Variants in FHIT observed in about 807,000 individuals in gnomAD.
The protein encoded by FHIT is bis(5'-adenosyl)-triphosphatase.
FHIT carries 19 observed loss-of-function variants against 17.9 expected under a neutral mutation model. The observed-to-expected ratio is 1.06, with a 90% CI of 0.74 to 1.56. FHIT has a LOEUF of 1.56. Among genes scored for constraint, FHIT ranks in the 40% most tolerant of loss-of-function variants. The probability of loss-of-function intolerance (pLI) is 0.00; values close to 1 mark genes in which losing one functional copy is unlikely to be tolerated. For synonymous variants in FHIT, 81 were observed against 69.7 expected, an observed-to-expected ratio of 1.16 and a Z score of -0.81; for missense variants, 248 against 189.2, an observed-to-expected ratio of 1.31 and a Z score of -1.82.
chr3:60,295,172 C>T (rs1708152970), intron 5 of FHIT, among the ~76,000 whole-genome samples: 1 of 152,010 alleles, frequency 6.6e-6, no homozygotes, highest in Admixed American at 6.6e-5. Flanking sequence ...ATCTGTTGAG[C>T]CCAGGAGTTT....
chr3:60,126,511 C>T (rs1431863103), intron 5 of FHIT, among the ~76,000 whole-genome samples: 1 of 152,186 alleles, frequency 6.6e-6, no homozygotes, highest in African/African-American at 2.4e-5. Flanking sequence ...TTATTGGACA[C>T]ATATCCCATA....
intron 5 of FHIT, among the ~76,000 whole-genome samples, chr3:60,405,009 G>A (rs1400034742): frequency 6.6e-6 from 1 of 152,136 alleles, no homozygotes; most frequent in Non-Finnish European, 1.5e-5. Flanking sequence ...TAGAAAATTG[G>A]TTCTCAAACT....
At chr3:61,140,036 A>AT (rs1449139551) in intron 2 of FHIT, among the ~76,000 whole-genome samples, 192 of 151,852 alleles carry the variant, frequency 1.3e-3, no homozygotes, top group East Asian at 9.9e-3. Flanking sequence ...AAAAAAAAAA[A>AT]AATAAGAAAC....
intron 5 of FHIT, among the ~76,000 whole-genome samples, chr3:60,057,122 G>A (rs1702114063): frequency 6.6e-6 from 1 of 152,156 alleles, no homozygotes; most frequent in Non-Finnish European, 1.5e-5. Context: ...GATAAAGGGG[G>A]AAGTGGGATT....
chr3:60,491,415 G>T (rs1430630108), intron 5 of FHIT, among the ~76,000 whole-genome samples: 1 of 149,666 alleles, frequency 6.7e-6, no homozygotes, highest in African/African-American at 2.5e-5. Flanking sequence ...ATTGTAAACT[G>T]GGTGAAAAAA....
chr3:60,364,264 T>C (rs542224261), intron 5 of FHIT, among the ~76,000 whole-genome samples: 65 of 152,334 alleles, frequency 4.3e-4, no homozygotes, highest in African/African-American at 1.5e-3. Context: ...TGCTTTCAAG[T>C]GAAATGCTCT....
chr3:59,832,949 T>A (rs1369826583), intron 8 of FHIT, among the ~76,000 whole-genome samples: 1 of 152,174 alleles, frequency 6.6e-6, no homozygotes. Context: ...ATGCTACATG[T>A]TATGATTATG....
chr3:60,562,721 C>G (rs1260300033), intron 4 of FHIT, among the ~76,000 whole-genome samples: 1 of 152,118 alleles, frequency 6.6e-6, no homozygotes, highest in Non-Finnish European at 1.5e-5. Flanking sequence ...TGCACTTGAC[C>G]TGACCCCTAG....
Position 60,011,353 on chromosome 3 carries a change from C to T in FHIT, c.279+18G>A, listed in dbSNP as rs1366573093. The T allele has an allele frequency of 1.2e-6, 2 of 1,611,932 alleles. No individual in the cohort carries two copies. Among genetic ancestry groups the T allele is most frequent in the African/African-American group, 2.7e-5 (2 of 74,844 alleles). Reference sequence around the variant, plus strand: ...TAATCGCCTCTTATTAATTTGTATGCACATAATAAGCACTCACCTTCACAG... The same window carrying T: ...TAATCGCCTCTTATTAATTTGTATGTACATAATAAGCACTCACCTTCACAG... On this transcript the variant is annotated intron_variant, in intron 7 of 9. Transcript: ENST00000492590.
At chr3:60,894,992 A>G (rs1254619736) in intron 3 of FHIT, among the ~76,000 whole-genome samples, 4 of 152,220 alleles carry the variant, frequency 2.6e-5, no homozygotes, top group East Asian at 1.9e-4. Context: ...ATAGAATACT[A>G]TCTTACACGT....
intron 5 of FHIT, among the ~76,000 whole-genome samples, chr3:60,479,224 T>C (rs767989648): frequency 8.5e-5 from 13 of 152,204 alleles, no homozygotes; most frequent in Non-Finnish European, 1.6e-4. Flanking sequence ...TACAGTGTTA[T>C]GCAGTGATGC....
chr3:59,820,931 G>GTGAT (rs1700764592), intron 8 of FHIT, among the ~76,000 whole-genome samples: 1 of 152,186 alleles, frequency 6.6e-6, no homozygotes, highest in South Asian at 2.1e-4. Flanking sequence ...GGAGGCTTGG[G>GTGAT]TGATTGTCAT....
rs71089587 is a variant in FHIT, at chr3:60,153,364, GAAAAA to G, written c.104-139217_104-139213del. On this transcript the variant is annotated intron_variant, in intron 5 of 9. Coordinates refer to ENST00000492590, the MANE Select transcript of FHIT (RefSeq NM_002012.4). Reference sequence around the variant, plus strand: ...GGTAACTTTCACTCACAATTCACCAGAAAAAAAAAAAAAAAAAAAAAAGAGGAGGT... The same window carrying G: ...GGTAACTTTCACTCACAATTCACCAGAAAAAAAAAAAAAAAAAGAGGAGGT... 8.0e-3 allele frequency among the ~76,000 whole-genome samples: 856 copies of G among 106,492 alleles called. 5 individuals are homozygous for G. Among genetic ancestry groups the G allele is most frequent in the Non-Finnish European group, 9.7e-3 (517 of 53,460 alleles). 69.9% of individuals were successfully genotyped at this position (106,492 alleles called of 152,430 possible). A position where few individuals can be genotyped will look rare whatever the true frequency, so the allele number is the denominator to read the frequency against.
chr3:59,826,658 G>A (rs970640499), intron 8 of FHIT, among the ~76,000 whole-genome samples: 2 of 152,238 alleles, frequency 1.3e-5, no homozygotes, highest in Non-Finnish European at 1.5e-5. Flanking sequence ...GAGTGCGCGC[G>A]AGTCTCATAC....
Position 60,582,320 on chromosome 3 carries a change from C to T in FHIT, c.-17-45341G>A, listed in dbSNP as rs73834247. 2.6e-3 allele frequency among the ~76,000 whole-genome samples: 394 copies of T among 152,168 alleles called. 3 individuals carry two copies. The highest frequency in any genetic ancestry group is 9.1e-3 in the African/African-American group (377 of 41,552). On this transcript the variant is annotated intron_variant, in intron 4 of 9. Coordinates refer to ENST00000492590, the MANE Select transcript of FHIT (RefSeq NM_002012.4). Reference sequence around the variant, plus strand: ...TGAATGTCTAATTGATGAATGCCCTCGTCAGAGCAGACTGGTGGCATTCAG... The same window carrying T: ...TGAATGTCTAATTGATGAATGCCCTTGTCAGAGCAGACTGGTGGCATTCAG...
chr3:60,610,449 C>A (rs868946837), intron 4 of FHIT, among the ~76,000 whole-genome samples: 1 of 152,086 alleles, frequency 6.6e-6, no homozygotes, highest in Admixed American at 6.6e-5. Context: ...AGAGTTTCTA[C>A]GCAATTCCCC....
At chr3:60,064,450 G>C (rs1257113672) in intron 5 of FHIT, among the ~76,000 whole-genome samples, 2 of 152,148 alleles carry the variant, frequency 1.3e-5, no homozygotes, top group Non-Finnish European at 2.9e-5. Context: ...AATATGCAGA[G>C]AAGACTCTGT....
intron 4 of FHIT, among the ~76,000 whole-genome samples, chr3:60,602,522 A>C (rs1559572862): frequency 1.3e-5 from 2 of 152,058 alleles, no homozygotes; most frequent in East Asian, 3.9e-4. Flanking sequence ...GAGAAAAAAA[A>C]TTGCTTGATG....
chr3:60,681,912 A>G (rs1456519123), intron 4 of FHIT, among the ~76,000 whole-genome samples: 3 of 152,184 alleles, frequency 2.0e-5, no homozygotes, highest in Non-Finnish European at 2.9e-5. Flanking sequence ...TAGATGCTGC[A>G]GCAAGTTATC....
Sources: gnomAD v4.1 joint callset for allele counts (sites outside exome capture counted in the v4.1 genomes callset) on GRCh38, gnomAD v4.1.1 for gene constraint, MANE v1.5 for transcripts, NCBI Gene and HGNC (gene_info 2026-07-23, HGNC 2026-07-21) for gene names.